DCDC1: variants seen among roughly 807,000 people sequenced by gnomAD.
DCDC1 encodes the protein doublecortin domain-containing protein 1.
A neutral mutation model predicts 178.3 loss-of-function variants in DCDC1; 200 were observed. That is an observed-to-expected ratio of 1.12 (90% CI 1.00 to 1.26). The LOEUF (loss-of-function observed/expected upper bound fraction) is 1.26, where lower values mean the gene tolerates loss of function less well. Ranked by LOEUF, DCDC1 falls within the 50% of genes most tolerant of loss-of-function variation. The pLI, the probability that DCDC1 is intolerant of heterozygous loss-of-function variation, is 0.00. For synonymous variants in DCDC1, 690 were observed against 604.8 expected (o/e 1.14, Z -2.07); for missense variants, 1,983 against 1,749.2 (o/e 1.13, Z -2.38).
intron 6 of DCDC1, among the ~76,000 whole-genome samples, chr11:31,301,402 C>A (rs1048260207): frequency 2.6e-5 from 4 of 152,122 alleles, no homozygotes; most frequent in African/African-American, 9.7e-5. Context: ...ACTAAAGCAG[C>A]CATTGGTGTA....
chr11:31,110,680 C>T (rs1193845422), intron 11 of DCDC1, among the ~76,000 whole-genome samples: 1 of 150,706 alleles, frequency 6.6e-6, no homozygotes, highest in Non-Finnish European at 1.5e-5. Flanking sequence ...GAATCACTGA[C>T]CACAGCGGAT....
chr11:30,937,272 G>C (rs1290233197), intron 21 of DCDC1, among the ~76,000 whole-genome samples: 1 of 152,058 alleles, frequency 6.6e-6, no homozygotes, highest in African/African-American at 2.4e-5. Flanking sequence ...TCCCTTGGTT[G>C]GTGAATTAGG....
rs1300771697 is a variant in DCDC1 at position 31,109,703 on chromosome 11, G to A, written c.1587+557C>T. 2.6e-5 allele frequency among the ~76,000 whole-genome samples: 4 copies of A among 152,104 alleles called. No homozygotes were observed. In the East Asian group the frequency reaches 7.7e-4, roughly 29 times the overall value. ...GCGCTCGGGTGCATAACCCCAATTTGTAAACAACAGGCTGTTCAGTGTCCT... is the reference window on the plus strand; with the variant it reads ...GCGCTCGGGTGCATAACCCCAATTTATAAACAACAGGCTGTTCAGTGTCCT... On this transcript the variant is annotated intron_variant, in intron 12 of 38. Transcript: ENST00000684477.
chr11:30,994,028 G>A (rs1251397755), intron 20 of DCDC1, among the ~76,000 whole-genome samples: 1 of 152,014 alleles, frequency 6.6e-6, no homozygotes, highest in African/African-American at 2.4e-5. Flanking sequence ...ATTCCTCATG[G>A]ACATAGATAC....
At chr11:31,213,264 A>C (rs1254158180) in intron 9 of DCDC1, among the ~76,000 whole-genome samples, 1 of 150,820 alleles carries the variant, frequency 6.6e-6, no homozygotes, top group African/African-American at 2.5e-5. Flanking sequence ...TTCAGGGTCT[A>C]TTTTCGCCTC....
rs766827200 is a variant in DCDC1, at chr11:31,306,239, ATGGT to A, written c.580_583del (p.Thr194SerfsTer12). 6.5e-7 allele frequency: 1 copy of A among 1,548,578 alleles called. No individual in the cohort carries two copies. Among genetic ancestry groups the A allele is most frequent in the Admixed American group, 1.9e-5 (1 of 52,536 alleles). ...CTTTGGAACACTAGTTACCAAGGTG[ATGGT>A]TGGTACAGTAACTCTGGCAAAGACT... On this transcript the variant is annotated frameshift_variant, in exon 5 of 39. Transcript: ENST00000684477. LOFTEE classifies it high-confidence loss of function.
At chr11:31,175,481 C>T (rs1967883789) in intron 9 of DCDC1, among the ~76,000 whole-genome samples, 1 of 152,224 alleles carries the variant, frequency 6.6e-6, no homozygotes, top group Admixed American at 6.5e-5. Flanking sequence ...ACCCACTACA[C>T]AGCTGGCCAG....
intron 15 of DCDC1, among the ~76,000 whole-genome samples, chr11:31,100,891 A>G (rs1309259091): frequency 1.3e-5 from 2 of 152,228 alleles, no homozygotes; most frequent in Non-Finnish European, 2.9e-5. Flanking sequence ...ATAAATATTA[A>G]TGTCAGATGA....
chr11:31,045,194 A>G (rs753045253), intron 20 of DCDC1, among the ~76,000 whole-genome samples: 1 of 152,178 alleles, frequency 6.6e-6, no homozygotes, highest in Admixed American at 6.5e-5. Context: ...CAACACACAC[A>G]TATGCACACA....
chr11:31,273,056 AC>A (rs997937384), intron 7 of DCDC1, among the ~76,000 whole-genome samples: 3 of 152,000 alleles, frequency 2.0e-5, no homozygotes, highest in Non-Finnish European at 2.9e-5. Flanking sequence ...GTAGTATGGG[AC>A]CCTGGGCCCG....
chr11:30,934,036 G>A (rs756178572), intron 21 of DCDC1, among the ~76,000 whole-genome samples: 1 of 152,110 alleles, frequency 6.6e-6, no homozygotes, highest in Non-Finnish European at 1.5e-5. Flanking sequence ...TGTTTCCCAG[G>A]CCACTCAGCT....
rs146660076 is a variant in DCDC1 at position 31,171,398 on chromosome 11, A to C, written c.1222-33614T>G. On this transcript the variant is annotated intron_variant, in intron 9 of 38. Transcript: ENST00000684477. ...AAGTTTATTTACAAAAACAGGCTAC[A>C]GGCTGGATTTGGCCCATGTGCTGCA... is the stretch of plus-strand genomic sequence containing the variant. Among the ~76,000 whole-genome samples, 761 of 152,350 alleles carry C rather than the reference A, an allele frequency of 5.0e-3. 5 individuals carry two copies. The highest frequency in any genetic ancestry group is 8.2e-3 in the Non-Finnish European group (556 of 68,026).
intron 15 of DCDC1, among the ~76,000 whole-genome samples, chr11:31,095,582 C>T (rs1958098571): frequency 6.6e-6 from 1 of 152,104 alleles, no homozygotes; most frequent in Non-Finnish European, 1.5e-5. Flanking sequence ...TGGGAGTTCA[C>T]ACAATCTCCT....
At chr11:30,997,886 C>T (rs1162061894) in intron 20 of DCDC1, among the ~76,000 whole-genome samples, 2 of 151,958 alleles carry the variant, frequency 1.3e-5, no homozygotes, top group Non-Finnish European at 2.9e-5. Flanking sequence ...TCCCCATCTC[C>T]AATAAGGAGA....
At chr11:31,213,379 T>A (rs1973077132) in intron 9 of DCDC1, among the ~76,000 whole-genome samples, 1 of 151,790 alleles carries the variant, frequency 6.6e-6, no homozygotes, top group Non-Finnish European at 1.5e-5. Flanking sequence ...GTTTAACATC[T>A]AAAGTAGGAG....
At chr11:30,945,577 C>T (rs1332889984) in intron 21 of DCDC1, among the ~76,000 whole-genome samples, 1 of 151,864 alleles carries the variant, frequency 6.6e-6, no homozygotes, top group African/African-American at 2.4e-5. Context: ...CCTGTAATCC[C>T]AGCTACTTAG....
At chr11:31,312,776 G>A (rs2447671) in intron 3 of DCDC1, 102,794 of 152,068 alleles carry the variant, frequency 0.68, 35,413 homozygotes, top group African/African-American at 0.79. Flanking sequence ...CCAGCTTGTA[G>A]ATGACTAATC....
intron 3 of DCDC1, among the ~76,000 whole-genome samples, chr11:31,312,214 G>A (rs995896096): frequency 1.3e-5 from 2 of 152,014 alleles, no homozygotes; most frequent in Admixed American, 1.3e-4. Context: ...CCTCCATATT[G>A]ACAATGATAG....
At chr11:31,351,108 T>C (rs181189068) in intron 1 of DCDC1, among the ~76,000 whole-genome samples, 53 of 152,216 alleles carry the variant, frequency 3.5e-4, no homozygotes, top group Non-Finnish European at 5.9e-4. Context: ...ACTATTCTGA[T>C]TTTTTATAAC....
Sources: allele counts gnomAD v4.1 joint callset (sites outside exome capture counted in the v4.1 genomes callset), GRCh38; gene constraint gnomAD v4.1.1; transcripts MANE v1.5; gene names NCBI Gene and HGNC (gene_info 2026-07-23, HGNC 2026-07-21).